The following ABLIM1 variants were observed in gnomAD, a reference collection of about 807,000 sequenced individuals.
ABLIM1 encodes actin binding LIM protein 1.
ABLIM1 carries 40 observed loss-of-function variants against 107.0 expected under a neutral mutation model. That is an observed-to-expected ratio of 0.37 (90% CI 0.29 to 0.49). The LOEUF is 0.49. Ranked by LOEUF, ABLIM1 falls within the 20% of genes least tolerant of loss-of-function variation. The pLI is 0.97. For missense variants in ABLIM1, 857 were observed against 1,008.5 expected, an observed-to-expected ratio of 0.85 and a Z score of 2.04; for synonymous variants, 357 against 357.3, an observed-to-expected ratio of 1.00 and a Z score of 0.01.
intron 4 of ABLIM1, among the ~76,000 whole-genome samples, chr10:114,561,611 C>T (rs1315117509): frequency 6.6e-6 from 1 of 152,096 alleles, no homozygotes; most frequent in Non-Finnish European, 1.5e-5. Flanking sequence ...TATAAATATA[C>T]AATTATAGAT....
At chr10:114,695,190 T>C (rs1306199045) in intron 1 of ABLIM1, among the ~76,000 whole-genome samples, 2 of 152,236 alleles carry the variant, frequency 1.3e-5, no homozygotes, top group Non-Finnish European at 2.9e-5. Flanking sequence ...GTTAAGCAGA[T>C]GCCCCTTTAA....
chr10:114,761,478 C>T (rs2082745331), intron 1 of ABLIM1, among the ~76,000 whole-genome samples: 1 of 152,154 alleles, frequency 6.6e-6, no homozygotes, highest in African/African-American at 2.4e-5. Context: ...AAAGTTAGGA[C>T]ATTTCAAACT....
In ABLIM1 at chr10:114,583,468, CATATATAT is replaced by C. The variant is rs140129654; in HGVS notation, c.380-7877_380-7870del. On this transcript the variant is annotated intron_variant, in intron 2 of 22. Coordinates refer to ENST00000533213, the MANE Select transcript of ABLIM1 (RefSeq NM_002313.7). Reference sequence around the variant, plus strand: ...ACACACACACACACACACACACACACATATATATATATATATATATATATATATATATA... The same window carrying C: ...ACACACACACACACACACACACACACATATATATATATATATATATATATA... Among the ~76,000 whole-genome samples, 146 of 15,032 alleles carry C rather than the reference CATATATAT, an allele frequency of 9.7e-3. 2 individuals are homozygous for C. The highest frequency in any genetic ancestry group is 0.011 in the Non-Finnish European group (89 of 8,096). The allele number at this position is 15,032 out of a possible 152,430, so 9.9% of individuals were successfully genotyped here. A position where few individuals can be genotyped will look rare whatever the true frequency, so the allele number is the denominator to read the frequency against.
At chr10:114,495,138 A>T (rs2059499129) in intron 6 of ABLIM1, among the ~76,000 whole-genome samples, 1 of 152,234 alleles carries the variant, frequency 6.6e-6, no homozygotes, top group Non-Finnish European at 1.5e-5. Context: ...GGTGAGAGTC[A>T]GGAAGAAGTA....
intron 6 of ABLIM1, among the ~76,000 whole-genome samples, chr10:114,493,917 G>A (rs535117779): frequency 1.6e-4 from 25 of 152,282 alleles, no homozygotes; most frequent in African/African-American, 4.8e-4. Context: ...GTAAGTTTAC[G>A]TGACAGAATA....
intron 1 of ABLIM1, among the ~76,000 whole-genome samples, chr10:114,741,965 C>T (rs925073372): frequency 2.7e-4 from 41 of 152,264 alleles, no homozygotes; most frequent in African/African-American, 8.9e-4. Context: ...TTTCTAGAGA[C>T]GTGGAGAGCT....
intron 5 of ABLIM1, among the ~76,000 whole-genome samples, chr10:114,547,041 C>T (rs1333323455): frequency 6.6e-6 from 1 of 152,062 alleles, no homozygotes; most frequent in East Asian, 1.9e-4. Flanking sequence ...ATCCTCCCAC[C>T]TTGGCCTCCC....
At chr10:114,525,554 C>T (rs928471926) in intron 6 of ABLIM1, among the ~76,000 whole-genome samples, 17 of 152,190 alleles carry the variant, frequency 1.1e-4, no homozygotes, top group African/African-American at 4.1e-4. Flanking sequence ...ACCAATGAGC[C>T]GTGGCAAATT....
At chr10:114,489,899 C>T (rs759560061) in intron 7 of ABLIM1, among the ~76,000 whole-genome samples, 1 of 152,234 alleles carries the variant, frequency 6.6e-6, no homozygotes, top group Non-Finnish European at 1.5e-5. Context: ...GCAGCCTCAA[C>T]AGATAGCCAT....
chr10:114,498,684 T>C (rs921005471), intron 6 of ABLIM1, among the ~76,000 whole-genome samples: 6 of 152,204 alleles, frequency 3.9e-5, no homozygotes, highest in Admixed American at 3.9e-4. Context: ...ACTGGCTGAT[T>C]CTTATCAGAG....
At chr10:114,555,961 G>A (rs969359903) in intron 4 of ABLIM1, among the ~76,000 whole-genome samples, 1 of 151,966 alleles carries the variant, frequency 6.6e-6, no homozygotes, top group Admixed American at 6.6e-5. Context: ...TCAGATTTAG[G>A]TTGTTATTAA....
intron 1 of ABLIM1, among the ~76,000 whole-genome samples, chr10:114,651,629 T>C (rs1482858444): frequency 6.6e-6 from 1 of 152,050 alleles, no homozygotes; most frequent in Admixed American, 6.6e-5. Flanking sequence ...GGAAATATGA[T>C]TAAACTAATG....
intron 6 of ABLIM1, chr10:114,502,190 T>C: frequency 5.8e-6 from 1 of 173,622 alleles, no homozygotes; most frequent in Non-Finnish European, 1.3e-5. Flanking sequence ...CATCATCCTC[T>C]CATTAGTCTC....
upstream of ABLIM1, among the ~76,000 whole-genome samples, chr10:114,661,667 A>G (rs1463997193): frequency 6.6e-6 from 1 of 152,216 alleles, no homozygotes; most frequent in Admixed American, 6.5e-5. Context: ...AATGCACCAC[A>G]TTACAAAGCT....
At chr10:114,522,011 A>C (rs539120535) in intron 6 of ABLIM1, among the ~76,000 whole-genome samples, 5 of 152,142 alleles carry the variant, frequency 3.3e-5, no homozygotes, top group African/African-American at 1.2e-4. Flanking sequence ...AATGAGAAGG[A>C]AGCCAAGATC....
At chr10:114,551,911 G>C (rs930388617) in intron 4 of ABLIM1, among the ~76,000 whole-genome samples, 1 of 152,130 alleles carries the variant, frequency 6.6e-6, no homozygotes, top group African/African-American at 2.4e-5. Flanking sequence ...GTGCCTCATG[G>C]GGGACAGCCA....
intron 1 of ABLIM1, among the ~76,000 whole-genome samples, chr10:114,767,141 C>T (rs1437773123): frequency 6.6e-6 from 1 of 151,156 alleles, no homozygotes; most frequent in East Asian, 2.0e-4. Context: ...AACACGTTAT[C>T]AAATTCCTAA....
intron 1 of ABLIM1, chr10:114,690,603 T>G: frequency 1.2e-6 from 1 of 827,054 alleles, no homozygotes; most frequent in Non-Finnish European, 2.1e-6. Flanking sequence ...GGGCTCACCA[T>G]TGATGGCAAT....
intron 6 of ABLIM1, among the ~76,000 whole-genome samples, chr10:114,535,844 C>A (rs1272233243): frequency 6.6e-6 from 1 of 152,108 alleles, no homozygotes; most frequent in African/African-American, 2.4e-5. Context: ...ATTGAAAATA[C>A]AGCATTCAAG....
Sources: gnomAD v4.1 joint callset for allele counts (sites outside exome capture counted in the v4.1 genomes callset) on GRCh38, gnomAD v4.1.1 for gene constraint, MANE v1.5 for transcripts, NCBI Gene and HGNC (gene_info 2026-07-23, HGNC 2026-07-21) for gene names.